IPCEF1: variants seen among roughly 807,000 people sequenced by gnomAD.
IPCEF1 encodes interaction protein for cytohesin exchange factors 1, also known as interactor protein for cytohesin exchange factors 1.
IPCEF1 carries 31 observed loss-of-function variants against 50.9 expected under a neutral mutation model. That is an observed-to-expected ratio of 0.61 (90% CI 0.46 to 0.82). IPCEF1 has a LOEUF of 0.82. Ranked by LOEUF, IPCEF1 falls within the 40% of genes least tolerant of loss-of-function variation. The pLI, the probability that IPCEF1 is intolerant of heterozygous loss-of-function variation, is 0.00. For synonymous variants in IPCEF1, 181 were observed against 192.0 expected, an observed-to-expected ratio of 0.94 and a Z score of 0.47; for missense variants, 458 against 514.0, an observed-to-expected ratio of 0.89 and a Z score of 1.05.
chr6:154,247,566 G>A (rs1781161338), intron 3 of IPCEF1, 78 bp from the exon 4 acceptor site: 8 of 1,242,712 alleles, frequency 6.4e-6, no homozygotes, highest in Non-Finnish European at 9.4e-6. Flanking sequence ...GGAGGGAGGA[G>A]GTGGCAGTGT....
At chr6:154,340,538 C>T (rs1020192178) in intron 1 of IPCEF1, among the ~76,000 whole-genome samples, 2 of 151,966 alleles carry the variant, frequency 1.3e-5, no homozygotes, top group African/African-American at 4.8e-5. Flanking sequence ...AGGCATGAGC[C>T]ACTGCGCCCA....
At chr6:154,160,133 T>C (rs1798887196) in intron 11 of IPCEF1, 93 bp from the exon 12 acceptor site, 5 of 911,776 alleles carry the variant, frequency 5.5e-6, no homozygotes, top group African/African-American at 1.7e-5. Flanking sequence ...AGTACACATA[T>C]ACATAAAATT....
chr6:154,312,938 G>C (rs2128681659), intron 1 of IPCEF1, among the ~76,000 whole-genome samples: 1 of 151,636 alleles, frequency 6.6e-6, no homozygotes, highest in East Asian at 1.9e-4. Flanking sequence ...CTTTTTCTTG[G>C]GCAGGGCACA....
chr6:154,303,092 CTTTTTTTTTT>C (rs71021038), intron 1 of IPCEF1, among the ~76,000 whole-genome samples: 27 of 121,388 alleles, frequency 2.2e-4, no homozygotes, highest in African/African-American at 8.6e-4. Context: ...TATGATAGCA[CTTTTTTTTTT>C]TTTTTTTTTG....
At chr6:154,169,867 G>A (rs557829870) in intron 10 of IPCEF1, among the ~76,000 whole-genome samples, 1 of 152,338 alleles carries the variant, frequency 6.6e-6, no homozygotes, top group Non-Finnish European at 1.5e-5. Flanking sequence ...CCAAGACTTT[G>A]GAGTATCAGA....
In IPCEF1 at chr6:154,168,107, G is replaced by A; in HGVS notation, c.917C>T (p.Thr306Ile). The A allele has an allele frequency of 6.5e-7, 1 of 1,527,880 alleles. No individual in the cohort carries two copies. Among genetic ancestry groups the A allele is most frequent in the Non-Finnish European group, 8.9e-7 (1 of 1,129,490 alleles). The allele number at this position is 1,527,880 out of a possible 1,614,324, so 94.6% of individuals were successfully genotyped here. The change falls in exon 11 of 12, where the codon ACA (threonine) becomes ATA (isoleucine). Residue 306 changes from threonine to isoleucine, a missense_variant. Coordinates refer to ENST00000367220, the MANE Select transcript of IPCEF1 (RefSeq NM_001130700.2). This position sits in a 1 kb window ranked among gnomAD's most constrained non-coding sequence, Gnocchi z 4.1. ...CATTTCATCATCTTCAGACACTTTT[G>A]TCTCTTCTATTTGAAAAAAAAAAAG... The part of the protein sequence containing the change: ...AGSKIMDKEE[T>I]KVSEDDEMEK...
intron 1 of IPCEF1, among the ~76,000 whole-genome samples, chr6:154,344,582 C>G (rs1040049992): frequency 6.6e-5 from 10 of 152,154 alleles, no homozygotes; most frequent in African/African-American, 2.4e-4. Context: ...GATCTTCCCT[C>G]CTGTGGTCCA....
In IPCEF1 at chr6:154,331,411, G is replaced by GAA. The variant is rs766867487; in HGVS notation, c.-62+25260_-62+25261insTT. Reference sequence around the variant, plus strand: ...AGAAAGAAAGAAAGAAAGAAAGAGAGAGAAAAAGAAAGAGAGAGAGAGAAA... The same window carrying GAA: ...AGAAAGAAAGAAAGAAAGAAAGAGAGAAAGAAAAAGAAAGAGAGAGAGAGAAA... On this transcript the variant is annotated intron_variant, in intron 1 of 11. Coordinates refer to ENST00000367220, the MANE Select transcript of IPCEF1 (RefSeq NM_001130700.2). Among the ~76,000 whole-genome samples the GAA allele has an allele frequency of 7.6e-4, 92 of 121,644 alleles. 1 individual carries two copies. The highest frequency in any genetic ancestry group is 1.2e-3 in the South Asian group (4 of 3,310). The allele number at this position is 121,644 out of a possible 152,430, so 79.8% of individuals were successfully genotyped here. A position where few individuals can be genotyped will look rare whatever the true frequency, so the allele number is the denominator to read the frequency against.
chr6:154,302,836 A>T (rs1311315984), intron 1 of IPCEF1, among the ~76,000 whole-genome samples: 1 of 152,144 alleles, frequency 6.6e-6, no homozygotes, highest in African/African-American at 2.4e-5. Flanking sequence ...GCTTGTAAGG[A>T]TTAAATGACA....
intron 10 of IPCEF1, among the ~76,000 whole-genome samples, chr6:154,194,287 T>A (rs964520215): frequency 1.6e-4 from 24 of 152,094 alleles, no homozygotes; most frequent in African/African-American, 5.6e-4. Context: ...TAATCCCAGC[T>A]ACTTGGGAGG....
intron 9 of IPCEF1, among the ~76,000 whole-genome samples, chr6:154,203,256 G>A (rs749285116): frequency 1.2e-4 from 18 of 152,036 alleles, no homozygotes; most frequent in Non-Finnish European, 2.2e-4. Flanking sequence ...CCCAACCTTC[G>A]TGTGTCTGTT....
At chr6:154,350,432 T>A (rs550596116) in intron 1 of IPCEF1, among the ~76,000 whole-genome samples, 10 of 152,238 alleles carry the variant, frequency 6.6e-5, no homozygotes, top group Non-Finnish European at 1.2e-4. Flanking sequence ...TGTAAATGTG[T>A]CTCATTGTTG....
In IPCEF1 at chr6:154,277,627, G is replaced by T. The variant is rs137925340; in HGVS notation, c.-17-11663C>A. 6.1e-3 allele frequency among the ~76,000 whole-genome samples: 930 copies of T among 152,176 alleles called. 15 individuals are homozygous for T. Among genetic ancestry groups the T allele is most frequent in the African/African-American group, 0.021 (888 of 41,532 alleles). ...TCTATTTGTTTTTCCAGGAAGCATTGGCTCTTTTATTGGTTGTTGTTGTTG... is the reference window on the plus strand; with the variant it reads ...TCTATTTGTTTTTCCAGGAAGCATTTGCTCTTTTATTGGTTGTTGTTGTTG... On this transcript the variant is annotated intron_variant, in intron 2 of 11. Coordinates refer to ENST00000367220, the MANE Select transcript of IPCEF1 (RefSeq NM_001130700.2).
intron 7 of IPCEF1, among the ~76,000 whole-genome samples, chr6:154,214,494 C>T (rs1011200045): frequency 3.3e-5 from 5 of 152,108 alleles, no homozygotes; most frequent in Admixed American, 6.5e-5. Flanking sequence ...GTGAGGTGGC[C>T]CATTACTCAG....
In IPCEF1 at chr6:154,221,305, T is replaced by G; in HGVS notation, c.344A>C (p.Gln115Pro). 1.2e-6 allele frequency: 2 copies of G among 1,613,924 alleles called. No individual in the cohort carries two copies. Among genetic ancestry groups the G allele is most frequent in the Non-Finnish European group, 1.7e-6 (2 of 1,179,914 alleles). The change falls in exon 7 of 12, where the codon CAG becomes CCG. Residue 115 changes from glutamine (Q) to proline (P), a missense_variant. Gln to Pro is a moderately conservative substitution (Grantham distance 76). Coordinates refer to ENST00000367220, the MANE Select transcript of IPCEF1 (RefSeq NM_001130700.2). ...KKHAFKISHP[Q>P]IKTFYFAAEN... ...AGCTGCAAAATAAAAGGTCTTGATC[T>G]GTGGATGGCTGATCTTAAAAGCACT...
chr6:154,332,497 T>C (rs145547283), intron 1 of IPCEF1, among the ~76,000 whole-genome samples: 19 of 152,264 alleles, frequency 1.2e-4, no homozygotes, highest in African/African-American at 4.3e-4. Context: ...AGATGCTATG[T>C]TTCAAGAATC....
chr6:154,350,231 T>C, intron 1 of IPCEF1, among the ~76,000 whole-genome samples: 1 of 152,218 alleles, frequency 6.6e-6, no homozygotes. Context: ...TCCATCACAT[T>C]GCATCATTTT....
intron 10 of IPCEF1, among the ~76,000 whole-genome samples, chr6:154,193,003 C>G (rs1802061961): frequency 6.6e-6 from 1 of 152,134 alleles, no homozygotes; most frequent in African/African-American, 2.4e-5. Flanking sequence ...TTTGATCCAG[C>G]AATCCCACTA....
chr6:154,216,385 T>A (rs1332158224), intron 7 of IPCEF1, among the ~76,000 whole-genome samples: 1 of 152,126 alleles, frequency 6.6e-6, no homozygotes. Context: ...ATTGTGCCTT[T>A]GAAATTACAA....
Sources: gnomAD v4.1 joint callset for allele counts (sites outside exome capture counted in the v4.1 genomes callset) on GRCh38, gnomAD v4.1.1 for gene constraint, Gnocchi (gnomAD v3.1) non-coding constraint, MANE v1.5 for transcripts, NCBI Gene and HGNC (gene_info 2026-07-23, HGNC 2026-07-21) for gene names.